SLC7A1: variants seen among roughly 807,000 people sequenced by gnomAD.
SLC7A1 encodes solute carrier family 7 member 1.
In SLC7A1, 10 loss-of-function variants were observed where a neutral mutation model predicts 53.9. The ratio of observed to expected loss-of-function variants is 0.19; its 90% CI spans 0.11 to 0.31. SLC7A1 has a LOEUF of 0.31. Among genes scored for constraint, SLC7A1 ranks in the 10% least tolerant of loss-of-function variants. SLC7A1 has a pLI of 1.00. For synonymous variants in SLC7A1, 342 were observed against 338.7 expected, an observed-to-expected ratio of 1.01 and a Z score of -0.11; for missense variants, 525 against 827.2, an observed-to-expected ratio of 0.63 and a Z score of 4.48.
chr13:29,577,759 C>T (rs547473724), intron 1 of SLC7A1, among the ~76,000 whole-genome samples: 179 of 152,264 alleles, frequency 1.2e-3, no homozygotes, highest in Non-Finnish European at 2.3e-3. Flanking sequence ...CGTCTCTGGC[C>T]GAGTGTCCTG....
intron 5 of SLC7A1, among the ~76,000 whole-genome samples, chr13:29,527,897 A>G (rs1333099816): frequency 6.6e-6 from 1 of 152,254 alleles, no homozygotes; most frequent in Non-Finnish European, 1.5e-5. Context: ...TCAGCTGGAC[A>G]TATGAGCCTT....
intron 2 of SLC7A1, among the ~76,000 whole-genome samples, chr13:29,552,105 G>A (rs1001534417): frequency 6.6e-6 from 1 of 152,106 alleles, no homozygotes; most frequent in Non-Finnish European, 1.5e-5. Flanking sequence ...GTGGGCTGCT[G>A]AGCCTAAGTA....
chr13:29,522,814 C>G (rs1868693162), intron 7 of SLC7A1, among the ~76,000 whole-genome samples: 1 of 152,192 alleles, frequency 6.6e-6, no homozygotes, highest in African/African-American at 2.4e-5. Context: ...GAAGATTTCC[C>G]TGTGGTAAAT....
At chr13:29,565,538 G>A (rs1046279989) in intron 1 of SLC7A1, among the ~76,000 whole-genome samples, 1 of 152,140 alleles carries the variant, frequency 6.6e-6, no homozygotes, top group African/African-American at 2.4e-5. Context: ...GGTCTATGAC[G>A]GTCTTCCTTA....
chr13:29,539,481 C>T (rs1869571566), intron 2 of SLC7A1, among the ~76,000 whole-genome samples: 1 of 152,162 alleles, frequency 6.6e-6, no homozygotes, highest in African/African-American at 2.4e-5. Flanking sequence ...CCTCTGAACC[C>T]CCTTCAAAAT....
rs1303766608 is a variant in SLC7A1, at chr13:29,530,428, C to A, written c.704+110G>T. The stretch of plus-strand genomic sequence containing the variant: ...AACACAAAACAATTAACAAAATATC[C>A]TCAAATAATGTTTTCTTAAAAGCAC... On this transcript the variant is annotated intron_variant, in intron 5 of 12. Transcript: ENST00000380752. The A allele has an allele frequency of 4.1e-6, 4 of 980,898 alleles. No individual in the cohort carries two copies. In the African/African-American group the frequency reaches 6.5e-5, roughly 16 times the overall value. 60.8% of individuals were successfully genotyped at this position (980,898 alleles called of 1,614,324 possible). A position where few individuals can be genotyped will look rare whatever the true frequency, so the allele number is the denominator to read the frequency against.
chr13:29,572,872 G>A (rs1252236073), intron 1 of SLC7A1, among the ~76,000 whole-genome samples: 2 of 152,088 alleles, frequency 1.3e-5, no homozygotes, highest in Non-Finnish European at 2.9e-5. Flanking sequence ...AACTCAACAT[G>A]GTAATCAACA....
chr13:29,580,504 T>A (rs1019091843), intron 1 of SLC7A1, among the ~76,000 whole-genome samples: 5 of 152,188 alleles, frequency 3.3e-5, no homozygotes, highest in African/African-American at 1.2e-4. Context: ...ACACTTTCAA[T>A]GGCTGGCAGA....
chr13:29,576,292 T>TAAAAAAAAAAAAAAAAA lies in SLC7A1; in HGVS notation c.-115+19123_-115+19124insTTTTTTTTTTTTTTTTT, dbSNP rs146432104. On this transcript the variant is annotated intron_variant, in intron 1 of 12. Transcript: ENST00000380752. Reference sequence around the variant, plus strand: ...GGGTATCAGTATGAGATCCTGTTTTTTAAAAAAAAAAAAAAGGAAAGAAAA... The same window carrying TAAAAAAAAAAAAAAAAA: ...GGGTATCAGTATGAGATCCTGTTTTTAAAAAAAAAAAAAAAAATAAAAAAAAAAAAAAGGAAAGAAAA... 4.4e-4 allele frequency among the ~76,000 whole-genome samples: 47 copies of TAAAAAAAAAAAAAAAAA among 107,136 alleles called. 2 individuals are homozygous for TAAAAAAAAAAAAAAAAA. Among genetic ancestry groups the TAAAAAAAAAAAAAAAAA allele is most frequent in the South Asian group, 6.0e-4 (2 of 3,334 alleles). The allele number at this position is 107,136 out of a possible 152,430, so 70.3% of individuals were successfully genotyped here.
intron 1 of SLC7A1, among the ~76,000 whole-genome samples, chr13:29,561,802 G>A (rs114136160): frequency 0.017 from 2,662 of 152,134 alleles, 66 homozygotes; most frequent in African/African-American, 0.06. Flanking sequence ...TTTGTGATGG[G>A]CCCCACACAT....
In SLC7A1 at chr13:29,517,295, GTGA is replaced by G. The variant is rs1566252134; in HGVS notation, c.1523_1525del (p.Ile508del). On this transcript the variant is annotated inframe_deletion, in exon 11 of 13. Coordinates refer to ENST00000380752, the MANE Select transcript of SLC7A1 (RefSeq NM_003045.5). ...TCCAAGCACGGTCACAATGCAGAAG[GTGA>G]TGATGAGAACAGCTAAGGGGGAAGG... 1 of 1,611,818 alleles carries G rather than the reference GTGA, an allele frequency of 6.2e-7. No homozygotes were observed. The highest frequency in any genetic ancestry group is 1.3e-5 in the African/African-American group (1 of 74,994).
rs534433085 is a variant in SLC7A1, at chr13:29,591,095, G to A, written c.-115+4321C>T. Among the ~76,000 whole-genome samples, 4 of 152,230 alleles carry A rather than the reference G, an allele frequency of 2.6e-5. No homozygotes were observed. The South Asian group carries it at 6.2e-4, about 24-fold the overall frequency. On this transcript the variant is annotated intron_variant, in intron 1 of 12. Coordinates refer to ENST00000380752, the MANE Select transcript of SLC7A1 (RefSeq NM_003045.5). ...ACTGCACTCCAGCCTGGGTGACAGA[G>A]TGTGACCCTATCTCAAAATATATAT...
rs1040515143 is a variant in SLC7A1 at position 29,544,872 on chromosome 13, G to T, written c.-14-8670C>A. On this transcript the variant is annotated intron_variant, in intron 2 of 12. Transcript: ENST00000380752. ...TGACATCGCACCTGCCTCATCGGGG[G>T]GGGGGGGCAAGCTCTTCCCACTGAC... Among the ~76,000 whole-genome samples, 59 of 151,152 alleles carry T rather than the reference G, an allele frequency of 3.9e-4. 4 individuals carry two copies. The highest frequency in any genetic ancestry group is 1.2e-3 in the African/African-American group (48 of 40,886).
intron 1 of SLC7A1, among the ~76,000 whole-genome samples, chr13:29,562,950 A>G (rs1326621428): frequency 6.6e-6 from 1 of 152,206 alleles, no homozygotes; most frequent in Non-Finnish European, 1.5e-5. Flanking sequence ...TGCATGATTC[A>G]TCCTTCCTTT....
intron 2 of SLC7A1, among the ~76,000 whole-genome samples, chr13:29,549,890 C>T (rs879516776): frequency 6.6e-5 from 10 of 152,118 alleles, no homozygotes; most frequent in Non-Finnish European, 1.0e-4. Context: ...TGGTCTTGAA[C>T]GACCCCAAGT....
At chr13:29,588,262 T>C (rs1871970057) in intron 1 of SLC7A1, among the ~76,000 whole-genome samples, 1 of 152,148 alleles carries the variant, frequency 6.6e-6, no homozygotes. Context: ...TATTGTACCA[T>C]GGTTATGTGA....
In SLC7A1 at chr13:29,514,620, GCCGGTTGCACCA is replaced by G. The variant is rs760534370; in HGVS notation, c.1787-49_1787-38del. The stretch of plus-strand genomic sequence containing the variant: ...CAGCAGAGACGGGCGTGAACAGACC[GCCGGTTGCACCA>G]CCGCAGGCAGGGCTCAGAGCCCAGG... On this transcript the variant is annotated intron_variant, in intron 12 of 12. Coordinates refer to ENST00000380752, the MANE Select transcript of SLC7A1 (RefSeq NM_003045.5). 1.5e-4 allele frequency: 223 copies of G among 1,499,148 alleles called. 1 individual carries two copies. The highest frequency in any genetic ancestry group is 1.9e-4 in the Non-Finnish European group (209 of 1,097,844). 92.9% of individuals were successfully genotyped at this position (1,499,148 alleles called of 1,614,324 possible).
Position 29,517,751 on chromosome 13 carries a change from G to C in SLC7A1, c.1332C>G (p.Ala444=), listed in dbSNP as rs1868420069. 1 of 1,614,076 alleles carries C rather than the reference G, an allele frequency of 6.2e-7. No homozygotes were observed. Among genetic ancestry groups the C allele is most frequent in the African/African-American group, 1.3e-5 (1 of 74,914 alleles). Reference sequence around the variant, plus strand: ...CTGGATCTAACTCGTCGGAAGTACTGGCCATCTGGTATACCAGGTTAGGCT... The same window carrying C: ...CTGGATCTAACTCGTCGGAAGTACTCGCCATCTGGTATACCAGGTTAGGCT... ...PEQPNLVYQM[A]STSDELDPAD... Residue 444 remains alanine, a synonymous_variant, in exon 10 of 13, where the codon GCC becomes GCG. Coordinates refer to ENST00000380752, the MANE Select transcript of SLC7A1 (RefSeq NM_003045.5).
intron 1 of SLC7A1, among the ~76,000 whole-genome samples, chr13:29,579,709 C>G (rs1871560292): frequency 6.6e-6 from 1 of 152,156 alleles, no homozygotes; most frequent in African/African-American, 2.4e-5. Context: ...CTTTCCAGAG[C>G]TGCACTGGAA....
Sources: allele counts gnomAD v4.1 joint callset (sites outside exome capture counted in the v4.1 genomes callset), GRCh38; gene constraint gnomAD v4.1.1; transcripts MANE v1.5; gene names NCBI Gene and HGNC (gene_info 2026-07-23, HGNC 2026-07-21).